The following UGT1A6 variants were observed in gnomAD, a reference collection of about 807,000 sequenced individuals.
UGT1A6 encodes the protein UDP-glucuronosyltransferase 1A6.
A neutral mutation model predicts 44.4 loss-of-function variants in UGT1A6; 32 were observed. The ratio of observed to expected loss-of-function variants is 0.72; its 90% CI spans 0.54 to 0.97. The LOEUF (loss-of-function observed/expected upper bound fraction) is 0.97, where lower values mean the gene tolerates loss of function less well. Among genes scored for constraint, UGT1A6 ranks in the 50% least tolerant of loss-of-function variants. UGT1A6 has a pLI of 0.00. For missense variants in UGT1A6, 685 were observed against 661.9 expected, an observed-to-expected ratio of 1.03 and a Z score of -0.38; for synonymous variants, 238 against 248.5, an observed-to-expected ratio of 0.96 and a Z score of 0.40.
At chr2:233,700,065 T>C (rs185747292) in intron 1 of UGT1A6, among the ~76,000 whole-genome samples, 116 of 152,320 alleles carry the variant, frequency 7.6e-4, no homozygotes, top group African/African-American at 2.7e-3. Context: ...TCCAGTGGTG[T>C]CTACCCAGCA....
chr2:233,755,312 G>C (rs976147893), intron 1 of UGT1A6: 6 of 551,356 alleles, frequency 1.1e-5, no homozygotes, highest in Middle Eastern at 4.3e-4. Flanking sequence ...CACAGCGAGC[G>C]GCAAGGCTGC....
chr2:233,756,397 G>GTT (rs1005447677), intron 1 of UGT1A6: 1 of 151,856 alleles, frequency 6.6e-6, no homozygotes, highest in African/African-American at 2.4e-5. Flanking sequence ...TACAGTATTG[G>GTT]TTTTTTATTT....
chr2:233,710,987 A>G (rs532291825), intron 1 of UGT1A6, among the ~76,000 whole-genome samples: 1 of 152,344 alleles, frequency 6.6e-6, no homozygotes, highest in East Asian at 1.9e-4. Context: ...AATCATTCAG[A>G]TCAGGCTATT....
chr2:233,740,447 GAGA>G (rs1243845787), intron 1 of UGT1A6, among the ~76,000 whole-genome samples: 2 of 151,994 alleles, frequency 1.3e-5, no homozygotes, highest in African/African-American at 2.4e-5. Flanking sequence ...GGAATCAGAG[GAGA>G]AGAAGATGAT....
chr2:233,742,825 T>A (rs1692111244), intron 1 of UGT1A6: 1 of 153,966 alleles, frequency 6.5e-6, no homozygotes, highest in South Asian at 2.0e-4. Context: ...TTTGTAGATT[T>A]CACCACTACA....
chr2:233,747,593 T>A (rs1693725336), intron 1 of UGT1A6: 2 of 1,577,004 alleles, frequency 1.3e-6, no homozygotes, highest in Non-Finnish European at 1.7e-6. Flanking sequence ...TTCATAGGTC[T>A]TGTGTGGAGC....
At chr2:233,721,475 C>T (rs1272285842) in intron 1 of UGT1A6, 9 of 174,082 alleles carry the variant, frequency 5.2e-5, no homozygotes, top group Admixed American at 4.3e-4. Context: ...TATCTGTTAT[C>T]ATTCTTATTA....
intron 1 of UGT1A6, chr2:233,712,870 T>A: frequency 6.3e-7 from 1 of 1,583,802 alleles, no homozygotes; most frequent in Middle Eastern, 2.3e-4. Context: ...AGGAGGGCAC[T>A]CTGTCTTCAA....
rs377501831 is a variant in UGT1A6, at chr2:233,767,899, G to A, written c.1044G>A (p.Thr348=). The A allele has an allele frequency of 2.4e-5, 38 of 1,614,024 alleles. No homozygotes were observed. Among genetic ancestry groups the A allele is most frequent in the Admixed American group, 8.3e-5 (5 of 59,994 alleles). ...GTRPSNLANN[T]ILVKWLPQND... ...GACCATCGAATCTTGCGAACAACAC[G>A]ATACTTGTTAAGTGGCTACCCCAAA... The change falls in exon 3 of 5, where the codon ACG becomes ACA. Residue 348 remains threonine (T), a synonymous_variant. Transcript: ENST00000305139.
chr2:233,746,509 A>C (rs1693414450), intron 1 of UGT1A6, among the ~76,000 whole-genome samples: 1 of 151,796 alleles, frequency 6.6e-6, no homozygotes, highest in Admixed American at 6.5e-5. Flanking sequence ...AGTAGCCCCC[A>C]AAGCAAGACC....
Position 233,772,679 on chromosome 2 carries a change from T to C in UGT1A6, c.*120T>C. On this transcript the variant is annotated 3_prime_UTR_variant, in exon 5 of 5. Transcript: ENST00000305139. ...TAAGGAAATACTTTGCATAAATTAATCAGCCCCAGAGTGCTTTAAAAAATT... is the reference window on the plus strand; with the variant it reads ...TAAGGAAATACTTTGCATAAATTAACCAGCCCCAGAGTGCTTTAAAAAATT... The C allele has an allele frequency of 6.5e-7, 1 of 1,531,230 alleles. No homozygotes were observed. Among genetic ancestry groups the C allele is most frequent in the Non-Finnish European group, 8.8e-7 (1 of 1,141,982 alleles). 94.9% of individuals were successfully genotyped at this position (1,531,230 alleles called of 1,614,324 possible).
chr2:233,739,933 AAGGTTGGTACC>A (rs1221573721), intron 1 of UGT1A6, among the ~76,000 whole-genome samples: 1 of 151,674 alleles, frequency 6.6e-6, no homozygotes, highest in Non-Finnish European at 1.5e-5. Context: ...CCCATGTGTT[AAGGTTGGTACC>A]TGGTGGGAGC....
chr2:233,746,953 T>A (rs984665888), intron 1 of UGT1A6, among the ~76,000 whole-genome samples: 1 of 151,790 alleles, frequency 6.6e-6, no homozygotes, highest in Non-Finnish European at 1.5e-5. Context: ...AACAAGAGCT[T>A]GAACTTGGAT....
chr2:233,751,617 G>A (rs1403670547), intron 1 of UGT1A6, among the ~76,000 whole-genome samples: 1 of 152,198 alleles, frequency 6.6e-6, no homozygotes, highest in African/African-American at 2.4e-5. Flanking sequence ...GGAGGTGATT[G>A]GATCATGTGT....
At chr2:233,744,133 C>T in intron 1 of UGT1A6, 1 of 354,200 alleles carries the variant, frequency 2.8e-6, no homozygotes, top group Non-Finnish European at 5.4e-6. Context: ...TCTGTGAGGC[C>T]CTGTGATGCT....
intron 1 of UGT1A6, chr2:233,761,091 C>T (rs138454262): frequency 2.5e-6 from 4 of 1,614,104 alleles, no homozygotes; most frequent in Non-Finnish European, 3.4e-6. Context: ...CTAGGCCCAT[C>T]ATGCCCAATA....
chr2:233,767,793 GT>G, intron 2 of UGT1A6, 55 bp from the exon 3 acceptor site: 2 of 1,613,932 alleles, frequency 1.2e-6, no homozygotes, highest in Non-Finnish European at 1.7e-6. Context: ...TAGCAGATTT[GT>G]TTTCTAATCA....
At chr2:233,715,490 T>TG (rs1472683316) in intron 1 of UGT1A6, among the ~76,000 whole-genome samples, 1 of 152,172 alleles carries the variant, frequency 6.6e-6, no homozygotes, top group African/African-American at 2.4e-5. Flanking sequence ...AAATGATTTG[T>TG]GTGCAAGTGG....
chr2:233,717,356 G>A (rs1181500345), intron 1 of UGT1A6, among the ~76,000 whole-genome samples: 1 of 152,158 alleles, frequency 6.6e-6, no homozygotes, highest in Admixed American at 6.5e-5. Flanking sequence ...CCTCCCCTGG[G>A]GAGTTCTCAA....
Sources: allele counts gnomAD v4.1 joint callset (sites outside exome capture counted in the v4.1 genomes callset), GRCh38; gene constraint gnomAD v4.1.1; transcripts MANE v1.5; gene names NCBI Gene and HGNC (gene_info 2026-07-23, HGNC 2026-07-21).